GALNTL6: variants seen among roughly 807,000 people sequenced by gnomAD.
GALNTL6 encodes the protein polypeptide N-acetylgalactosaminyltransferase like 6.
Under a neutral mutation model 73.7 loss-of-function variants are expected in GALNTL6, and 46 were observed. That is an observed-to-expected ratio of 0.62 (90% CI 0.49 to 0.80). The LOEUF is 0.80. Ranked by LOEUF, GALNTL6 falls within the 30% of genes least tolerant of loss-of-function variation. GALNTL6 has a pLI of 0.00. For missense variants in GALNTL6, 604 were observed against 755.0 expected, an observed-to-expected ratio of 0.80 and a Z score of 2.34; for synonymous variants, 259 against 263.7, an observed-to-expected ratio of 0.98 and a Z score of 0.17.
At chr4:172,710,083 A>G (rs375541606) in intron 5 of GALNTL6, among the ~76,000 whole-genome samples, 91 of 152,312 alleles carry the variant, frequency 6.0e-4, no homozygotes, top group South Asian at 5.8e-3. Flanking sequence ...AGTATAAATT[A>G]CTATAATAGA....
intron 5 of GALNTL6, among the ~76,000 whole-genome samples, chr4:172,494,578 G>C (rs1734007635): frequency 1.3e-5 from 2 of 152,188 alleles, no homozygotes; most frequent in South Asian, 4.1e-4. Context: ...AAACTGGGGA[G>C]CAGGGAAGCC....
chr4:172,401,956 GAGAGA>G, intron 5 of GALNTL6, among the ~76,000 whole-genome samples: 9 of 23,000 alleles, frequency 3.9e-4, no homozygotes, highest in African/African-American at 1.0e-3. Context: ...GGAGGGGGGA[GAGAGA>G]GAGAGAGAGA....
At chr4:172,462,140 C>T (rs1732643021) in intron 5 of GALNTL6, among the ~76,000 whole-genome samples, 1 of 152,132 alleles carries the variant, frequency 6.6e-6, no homozygotes. Flanking sequence ...CATTTTCAGG[C>T]CTTCAGACTC....
chr4:172,838,372 C>T (rs28367138), intron 7 of GALNTL6, among the ~76,000 whole-genome samples: 8,649 of 152,140 alleles, frequency 0.057, 741 homozygotes, highest in African/African-American at 0.19. Context: ...AGTCCAGACA[C>T]GCAGTGTGTC....
chr4:172,378,082 A>G (rs1055728910), intron 5 of GALNTL6, among the ~76,000 whole-genome samples: 3 of 152,214 alleles, frequency 2.0e-5, no homozygotes, highest in Non-Finnish European at 4.4e-5. Flanking sequence ...GGCTGCCAGC[A>G]CGTTGTCACC....
chr4:171,947,618 C>T (rs1374632758), intron 2 of GALNTL6, among the ~76,000 whole-genome samples: 1 of 152,166 alleles, frequency 6.6e-6, no homozygotes, highest in African/African-American at 2.4e-5. Flanking sequence ...ACTGCCTAGT[C>T]CCTCAGTCCT....
intron 2 of GALNTL6, among the ~76,000 whole-genome samples, chr4:172,057,724 AAAAATATAT>A (rs1731068203): frequency 5.7e-5 from 4 of 70,644 alleles, no homozygotes; most frequent in African/African-American, 2.1e-4. Flanking sequence ...AAAAAAAAAA[AAAAATATAT>A]ATATATATAT....
intron 7 of GALNTL6, among the ~76,000 whole-genome samples, chr4:172,853,817 C>G (rs188016236): frequency 5.9e-5 from 9 of 152,248 alleles, no homozygotes; most frequent in East Asian, 3.9e-4. Flanking sequence ...ACCTGCTTTC[C>G]AAAGCAGGTC....
intron 5 of GALNTL6, among the ~76,000 whole-genome samples, chr4:172,625,741 T>C (rs1259296610): frequency 2.0e-5 from 3 of 152,132 alleles, no homozygotes; most frequent in East Asian, 1.9e-4. Flanking sequence ...TAGTATCTCA[T>C]TGTGGCTTCG....
chr4:172,768,110 C>T (rs529242133), intron 5 of GALNTL6, among the ~76,000 whole-genome samples: 4 of 152,202 alleles, frequency 2.6e-5, no homozygotes, highest in Non-Finnish European at 5.9e-5. Context: ...AAGGATAATT[C>T]CCTTTTAGAG....
intron 7 of GALNTL6, among the ~76,000 whole-genome samples, chr4:172,863,339 G>A (rs758899437): frequency 6.6e-6 from 1 of 152,182 alleles, no homozygotes; most frequent in African/African-American, 2.4e-5. Context: ...GAAGCCACAG[G>A]CACTCAACGC....
At chr4:172,901,376 A>C (rs749441593) in intron 8 of GALNTL6, among the ~76,000 whole-genome samples, 1 of 152,214 alleles carries the variant, frequency 6.6e-6, no homozygotes, top group African/African-American at 2.4e-5. Context: ...TAAAAATAGA[A>C]GATAAAAATC....
intron 10 of GALNTL6, among the ~76,000 whole-genome samples, chr4:173,001,242 T>C (rs888090728): frequency 2.6e-5 from 4 of 152,178 alleles, no homozygotes; most frequent in African/African-American, 9.7e-5. Context: ...TCCAAAACTG[T>C]CAGGCAATAA....
chr4:172,492,087 C>T (rs551629698), intron 5 of GALNTL6, among the ~76,000 whole-genome samples: 107 of 152,210 alleles, frequency 7.0e-4, no homozygotes, highest in African/African-American at 2.5e-3. Context: ...CTCATAAAGT[C>T]AGCATCACAG....
chr4:172,662,603 T>C (rs1279110080), intron 5 of GALNTL6, among the ~76,000 whole-genome samples: 2 of 152,140 alleles, frequency 1.3e-5, no homozygotes, highest in Non-Finnish European at 2.9e-5. Context: ...GCCTCTGAGA[T>C]AGGGTGGTGA....
intron 2 of GALNTL6, among the ~76,000 whole-genome samples, chr4:172,140,582 C>G (rs1312467369): frequency 1.3e-5 from 2 of 151,976 alleles, no homozygotes; most frequent in Non-Finnish European, 2.9e-5. Context: ...ATGAAATTTT[C>G]TCAAGGTCAC....
chr4:172,649,579 A>G (rs1740386452), intron 5 of GALNTL6, among the ~76,000 whole-genome samples: 1 of 152,170 alleles, frequency 6.6e-6, no homozygotes. Flanking sequence ...ACTGAATTAA[A>G]TGTGTGTATA....
At chr4:171,969,769 T>TTC (rs1739504371) in intron 2 of GALNTL6, among the ~76,000 whole-genome samples, 1 of 32,550 alleles carries the variant, frequency 3.1e-5, no homozygotes, top group East Asian at 1.7e-3. Context: ...TCCAAACCAC[T>TTC]TTTTTTTTTT....
intron 6 of GALNTL6, among the ~76,000 whole-genome samples, chr4:172,810,346 G>T (rs1336301516): frequency 1.3e-5 from 2 of 152,126 alleles, no homozygotes; most frequent in Non-Finnish European, 2.9e-5. Flanking sequence ...AAGTCCAGTT[G>T]TAGATAAGAA....
Sources: gnomAD v4.1 joint callset for allele counts (sites outside exome capture counted in the v4.1 genomes callset) on GRCh38, gnomAD v4.1.1 for gene constraint, MANE v1.5 for transcripts, NCBI Gene and HGNC (gene_info 2026-07-23, HGNC 2026-07-21) for gene names.